The following NBEA variants were observed in gnomAD, a reference collection of about 807,000 sequenced individuals.
The protein encoded by NBEA is neurobeachin, also known as lysosomal-trafficking regulator 2.
Under a neutral mutation model 343.4 loss-of-function variants are expected in NBEA, and 44 were observed. The observed-to-expected ratio is 0.13, with a 90% CI of 0.10 to 0.16. The LOEUF (loss-of-function observed/expected upper bound fraction) is 0.16, where lower values mean the gene tolerates loss of function less well. Among genes scored for constraint, NBEA ranks in the 10% least tolerant of loss-of-function variants. The pLI, the probability that NBEA is intolerant of heterozygous loss-of-function variation, is 1.00. For synonymous variants in NBEA, 1,175 were observed against 1,238.7 expected, an observed-to-expected ratio of 0.95 and a Z score of 1.08; for missense variants, 2,555 against 3,631.3, an observed-to-expected ratio of 0.70 and a Z score of 7.62.
intron 27 of NBEA, among the ~76,000 whole-genome samples, chr13:35,176,343 A>T (rs1017374671): frequency 2.6e-5 from 4 of 152,144 alleles, no homozygotes; most frequent in Non-Finnish European, 5.9e-5. Context: ...ATATTATCTA[A>T]TTTAATCCAT....
intron 38 of NBEA, among the ~76,000 whole-genome samples, chr13:35,430,538 G>C (rs1339110672): frequency 1.3e-5 from 2 of 152,140 alleles, no homozygotes; most frequent in African/African-American, 2.4e-5. Flanking sequence ...GTCTAGAAGA[G>C]TTTTTCCAGT....
Position 35,159,550 on chromosome 13 carries a change from G to C in NBEA, c.3379G>C (p.Gly1127Arg). The C allele has an allele frequency of 6.2e-7, 1 of 1,612,440 alleles. No individual in the cohort carries two copies. The highest frequency in any genetic ancestry group is 8.5e-7 in the Non-Finnish European group (1 of 1,179,468). ...IIKKNEEKDNGPLITLADEKE... is the reference protein window; with the variant it reads ...IIKKNEEKDNRPLITLADEKE... ...TAAAAAAAATGAAGAAAAGGATAATGGTCCATTGATAACATTAGCAGATGA... is the reference window on the plus strand; with the variant it reads ...TAAAAAAAATGAAGAAAAGGATAATCGTCCATTGATAACATTAGCAGATGA... Residue 1127 changes from glycine (G) to arginine (R), a missense_variant, in exon 22 of 59, where the codon GGT becomes CGT. Physicochemically the swap from Gly to Arg is moderately radical, Grantham distance 125. This residue lies in a region of NBEA where 367 missense variants were observed against 377.5 expected (regional missense o/e 0.97). Transcript: ENST00000379939.
chr13:35,233,142 A>C (rs73491675), intron 34 of NBEA, among the ~76,000 whole-genome samples: 2,497 of 152,236 alleles, frequency 0.016, 64 homozygotes, highest in African/African-American at 0.052. Context: ...TTACAAGGAG[A>C]GTGGCTTTGA....
At chr13:35,331,300 G>T (rs190295417) in intron 36 of NBEA, among the ~76,000 whole-genome samples, 1 of 151,580 alleles carries the variant, frequency 6.6e-6, no homozygotes, top group Non-Finnish European at 1.5e-5. Context: ...AGTAAATCAG[G>T]ATCTTAAAAT....
intron 1 of NBEA, among the ~76,000 whole-genome samples, chr13:34,995,481 A>C (rs2060907932): frequency 6.6e-6 from 1 of 152,124 alleles, no homozygotes; most frequent in Non-Finnish European, 1.5e-5. Context: ...TTGCCTGAGC[A>C]AAAAACAAAC....
chr13:35,407,276 A>G (rs182857072), intron 38 of NBEA, among the ~76,000 whole-genome samples: 102 of 151,532 alleles, frequency 6.7e-4, no homozygotes, highest in Middle Eastern at 6.8e-3. Context: ...ATTTTTTTTC[A>G]TCTGTGGTTA....
chr13:35,023,187 A>G (rs912843384), intron 1 of NBEA, among the ~76,000 whole-genome samples: 7 of 152,142 alleles, frequency 4.6e-5, no homozygotes, highest in African/African-American at 1.7e-4. Context: ...ATGGTGGCTT[A>G]CACTATTCTT....
intron 34 of NBEA, among the ~76,000 whole-genome samples, chr13:35,258,020 G>T (rs1334877001): frequency 6.6e-6 from 1 of 151,968 alleles, no homozygotes; most frequent in South Asian, 2.1e-4. Flanking sequence ...TATTTGTAAT[G>T]AACTTTACAT....
At chr13:35,567,899 C>T (rs2080211186) in intron 45 of NBEA, among the ~76,000 whole-genome samples, 1 of 152,168 alleles carries the variant, frequency 6.6e-6, no homozygotes, top group Admixed American at 6.5e-5. Flanking sequence ...GTTTTTAACT[C>T]AGCATGCCTG....
At chr13:35,147,439 G>A (rs2068505140) in intron 18 of NBEA, among the ~76,000 whole-genome samples, 1 of 152,220 alleles carries the variant, frequency 6.6e-6, no homozygotes, top group South Asian at 2.1e-4. Flanking sequence ...ACCTCCCTAA[G>A]TGGACATAAC....
chr13:35,212,626 TG>T (rs2073845876), intron 33 of NBEA, among the ~76,000 whole-genome samples: 1 of 152,152 alleles, frequency 6.6e-6, no homozygotes, highest in Admixed American at 6.5e-5. Flanking sequence ...CAAAAGTGGT[TG>T]TACTAGTTTA....
At chr13:34,962,290 G>A (rs1376422237) in intron 1 of NBEA, among the ~76,000 whole-genome samples, 2 of 151,876 alleles carry the variant, frequency 1.3e-5, no homozygotes, top group Non-Finnish European at 2.9e-5. Context: ...GTACATATGT[G>A]TCTATATATA....
chr13:35,455,852 C>A (rs1351991284), intron 40 of NBEA, among the ~76,000 whole-genome samples: 1 of 151,950 alleles, frequency 6.6e-6, no homozygotes, highest in Non-Finnish European at 1.5e-5. Flanking sequence ...TATTTCCTTG[C>A]AAATACATAG....
chr13:35,171,459 C>T lies in NBEA; in HGVS notation c.4423+7C>T. ...CGACAGTGCCTAAGATTAGGTAAGTCTGTTAAAACAATAGTGCATGTCAAA... is the reference window on the plus strand; with the variant it reads ...CGACAGTGCCTAAGATTAGGTAAGTTTGTTAAAACAATAGTGCATGTCAAA... On this transcript the variant is annotated splice_region_variant and intron_variant, in intron 26 of 58. Transcript: ENST00000379939. 1 of 1,603,082 alleles carries T rather than the reference C, an allele frequency of 6.2e-7. No individual in the cohort carries two copies. The highest frequency in any genetic ancestry group is 1.1e-5 in the South Asian group (1 of 89,800).
chr13:34,979,009 C>T (rs1020076342), intron 1 of NBEA, among the ~76,000 whole-genome samples: 6 of 152,170 alleles, frequency 3.9e-5, no homozygotes, highest in Non-Finnish European at 7.3e-5. Flanking sequence ...AGAGAGATGG[C>T]ATATGCTTGG....
intron 41 of NBEA, among the ~76,000 whole-genome samples, chr13:35,491,881 A>C (rs2076512836): frequency 6.6e-6 from 1 of 152,004 alleles, no homozygotes; most frequent in African/African-American, 2.4e-5. Flanking sequence ...AGAGAGTTGT[A>C]ATAAAAAGTT....
intron 17 of NBEA, among the ~76,000 whole-genome samples, chr13:35,127,249 G>A (rs2067181961): frequency 6.6e-6 from 1 of 152,074 alleles, no homozygotes; most frequent in Non-Finnish European, 1.5e-5. Flanking sequence ...AAGAAAGTGG[G>A]AGCCAAACTA....
At chr13:35,076,583 C>T (rs1000479186) in intron 10 of NBEA, among the ~76,000 whole-genome samples, 43 of 151,990 alleles carry the variant, frequency 2.8e-4, no homozygotes, top group Middle Eastern at 6.8e-3. Flanking sequence ...GTAAATTTTT[C>T]TTTGTCTTGT....
In NBEA at chr13:35,523,602, A is replaced by G. The variant is rs188896501; in HGVS notation, c.6586-26875A>G. Reference sequence around the variant, plus strand: ...GGAGGAAGCTGCCCAATGAGTTACTATGTAAAGCATACGCCTGCCTCTCCT... The same window carrying G: ...GGAGGAAGCTGCCCAATGAGTTACTGTGTAAAGCATACGCCTGCCTCTCCT... On this transcript the variant is annotated intron_variant, in intron 41 of 58. Transcript: ENST00000379939. Among the ~76,000 whole-genome samples the G allele has an allele frequency of 2.0e-3, 299 of 152,276 alleles. 1 individual carries two copies. Among genetic ancestry groups the G allele is most frequent in the African/African-American group, 6.2e-3 (256 of 41,552 alleles).
Sources: gnomAD v4.1 joint callset for allele counts (sites outside exome capture counted in the v4.1 genomes callset) on GRCh38, gnomAD v4.1.1 for gene constraint, gnomAD v4.1.1 regional missense constraint, MANE v1.5 for transcripts, NCBI Gene and HGNC (gene_info 2026-07-23, HGNC 2026-07-21) for gene names.